The following E2F2 variants were observed in gnomAD, a reference collection of about 807,000 sequenced individuals.
E2F2 encodes transcription factor E2F2.
Under a neutral mutation model 42.2 loss-of-function variants are expected in E2F2, and 22 were observed. That is an observed-to-expected ratio of 0.52 (90% CI 0.37 to 0.74). The LOEUF (loss-of-function observed/expected upper bound fraction) is 0.74. Ranked by LOEUF, E2F2 falls within the 30% of genes least tolerant of loss-of-function variation. E2F2 has a pLI of 0.00. For missense variants in E2F2, 481 were observed against 557.8 expected, an observed-to-expected ratio of 0.86 and a Z score of 1.39; for synonymous variants, 248 against 251.6, an observed-to-expected ratio of 0.99 and a Z score of 0.13.
At chr1:23,527,229 C>G (rs569740115) in intron 1 of E2F2, among the ~76,000 whole-genome samples, 1 of 152,350 alleles carries the variant, frequency 6.6e-6, no homozygotes, top group African/African-American at 2.4e-5. Flanking sequence ...CAGCAAAGCG[C>G]TTTGCCCATA....
intron 5 of E2F2, 85 bp from the exon 6 acceptor site, chr1:23,516,612 T>A: frequency 8.7e-7 from 1 of 1,144,234 alleles, no homozygotes; most frequent in Non-Finnish European, 1.2e-6. Context: ...ACGTGGCTGC[T>A]GCCATCCATG....
chr1:23,514,823 G>C (rs1334721796), intron 6 of E2F2, among the ~76,000 whole-genome samples: 1 of 136,352 alleles, frequency 7.3e-6, no homozygotes, highest in African/African-American at 2.9e-5. Flanking sequence ...GTGACGGAGC[G>C]AGACTGTCTC....
intron 1 of E2F2, among the ~76,000 whole-genome samples, chr1:23,528,577 T>G (rs754687742): frequency 3.3e-5 from 5 of 152,202 alleles, no homozygotes; most frequent in Non-Finnish European, 7.4e-5. Context: ...TTGCTCAGTT[T>G]CCTTATCTGC....
chr1:23,528,646 T>C (rs954540703), intron 1 of E2F2, among the ~76,000 whole-genome samples: 1 of 152,122 alleles, frequency 6.6e-6, no homozygotes, highest in African/African-American at 2.4e-5. Flanking sequence ...TGCCAAGCAG[T>C]GTCTGGCACA....
chr1:23,524,560 C>T, intron 1 of E2F2, 72 bp from the exon 2 acceptor site: 3 of 1,428,352 alleles, frequency 2.1e-6, no homozygotes, highest in Non-Finnish European at 2.9e-6. Context: ...TGATGTGGGG[C>T]CAAAGCAATG....
intron 5 of E2F2, among the ~76,000 whole-genome samples, chr1:23,516,786 C>CTAGT (rs1643029074): frequency 2.5e-5 from 2 of 79,260 alleles, no homozygotes; most frequent in South Asian, 9.0e-4. Flanking sequence ...CTCAGGTCAT[C>CTAGT]TAGTTTTGGG....
At chr1:23,529,525 C>T (rs1437772679) in intron 1 of E2F2, among the ~76,000 whole-genome samples, 1 of 152,196 alleles carries the variant, frequency 6.6e-6, no homozygotes, top group African/African-American at 2.4e-5. Context: ...TCACCAAACT[C>T]ACAACTAAGC....
Position 23,509,967 on chromosome 1 carries a change from C to T in E2F2, c.1227G>A (p.Gln409=), listed in dbSNP as rs753858882. 1.2e-6 allele frequency: 2 copies of T among 1,612,786 alleles called. No homozygotes were observed. Among genetic ancestry groups the T allele is most frequent in the South Asian group, 2.2e-5 (2 of 90,828 alleles). The change falls in exon 7 of 7, where the codon CAG becomes CAA. Residue 409 remains glutamine, a synonymous_variant. Coordinates refer to ENST00000361729, the MANE Select transcript of E2F2 (RefSeq NM_004091.4). ...PLISFSPSLD[Q]DDYLWGLEAG... ...CCTCCAAGCCCCACAGGTAGTCGTC[C>T]TGGTCCAAGGATGGGGAGAAGCTGA...
Position 23,530,777 on chromosome 1 carries a change from C to T in E2F2, c.17G>A (p.Arg6Gln), listed in dbSNP as rs1364019963. 2 of 1,552,188 alleles carry T rather than the reference C, an allele frequency of 1.3e-6. No individual in the cohort carries two copies. Among genetic ancestry groups the T allele is most frequent in the South Asian group, 2.3e-5 (2 of 86,304 alleles). The change falls in exon 1 of 7, where the codon CGG (arginine) becomes CAG (glutamine). Residue 6 changes from arginine to glutamine, a missense_variant. By Grantham distance (43) the Arg-to-Gln change is conservative (BLOSUM62 1). Coordinates refer to ENST00000361729, the MANE Select transcript of E2F2 (RefSeq NM_004091.4). The surrounding 1 kb of genome is among the most constrained non-coding windows in gnomAD (Gnocchi z 4.4). ...CTGCCCAGCGGCCGAAGCCAAGGCC[C>T]GGGGCCCTTGCAGCATAGCGAGTAA... MLQGP[R>Q]ALASAAGQTP... is the part of the protein sequence containing the mutation.
At chr1:23,513,561 CATGTGTGTGTGTGTGTGTGTGTGT>C (rs1642954142) in intron 6 of E2F2, among the ~76,000 whole-genome samples, 2 of 116,038 alleles carry the variant, frequency 1.7e-5, no homozygotes, top group South Asian at 5.3e-4. Context: ...CAGCACGGAA[CATGTGTGTGTGTGTGTGTGTGTGT>C]GTGTGTGTGT....
chr1:23,516,349 G>A lies in E2F2; in HGVS notation c.1031C>T (p.Pro344Leu), dbSNP rs964554918. ...SSSTDPSIME[P>L]TASSVPAPAP... is the part of the protein sequence containing the mutation. ...AAGGGACCTACCTGAGGATGCTGTG[G>A]GCTCCATGATGCTAGGGTCGGTGCT... The change falls in exon 6 of 7, where the codon CCC (proline) becomes CTC (leucine). Residue 344 changes from proline (P) to leucine (L), a missense_variant. By Grantham distance (98) the Pro-to-Leu change is moderately conservative. Coordinates refer to ENST00000361729, the MANE Select transcript of E2F2 (RefSeq NM_004091.4). 1.3e-6 allele frequency: 2 copies of A among 1,547,358 alleles called. No individual in the cohort carries two copies. Among genetic ancestry groups the A allele is most frequent in the Non-Finnish European group, 1.7e-6 (2 of 1,151,164 alleles).
At chr1:23,524,059 G>C (rs1342772617) in intron 2 of E2F2, among the ~76,000 whole-genome samples, 2 of 142,380 alleles carry the variant, frequency 1.4e-5, no homozygotes, top group Non-Finnish European at 3.0e-5. Context: ...TGGTGACAGA[G>C]CGAGACCTGT....
rs756292409 is a variant in E2F2, at chr1:23,520,947, A to C, written c.703T>G (p.Phe235Val). 2.5e-6 allele frequency: 4 copies of C among 1,607,744 alleles called. No homozygotes were observed. Among genetic ancestry groups the C allele is most frequent in the Non-Finnish European group, 3.4e-6 (4 of 1,177,048 alleles). Residue 235 changes from phenylalanine to valine, a missense_variant, in exon 4 of 7, where the codon TTC becomes GTC. Physicochemically the swap from Phe to Val is conservative, Grantham distance 50 (BLOSUM62 -1). Transcript: ENST00000361729. ...GCCTTGTCCTCAGTCAGGTGCTTGA[A>C]GCTCAGAGAGCAGCTCTGGATGAGC... ...DQLIQSCSLSFKHLTEDKANK... is the reference protein window; with the variant it reads ...DQLIQSCSLSVKHLTEDKANK...
chr1:23,530,905 A>C lies in E2F2; in HGVS notation c.-112T>G. 1 of 1,339,568 alleles carries C rather than the reference A, an allele frequency of 7.5e-7. No homozygotes were observed. The allele number at this position is 1,339,568 out of a possible 1,614,324, so 83.0% of individuals were successfully genotyped here. On this transcript the variant is annotated 5_prime_UTR_variant, in exon 1 of 7. Transcript: ENST00000361729. The surrounding 1 kb of genome is among the most constrained non-coding windows in gnomAD (Gnocchi z 4.4). Reference sequence around the variant, plus strand: ...GCGGCATGGCGCGGAGGCCGGGGGAAGCCGCCAATGGACGCCTGCGGGGCA... The same window carrying C: ...GCGGCATGGCGCGGAGGCCGGGGGACGCCGCCAATGGACGCCTGCGGGGCA...
At chr1:23,527,041 G>T (rs760057025) in intron 1 of E2F2, among the ~76,000 whole-genome samples, 1 of 152,228 alleles carries the variant, frequency 6.6e-6, no homozygotes, top group Non-Finnish European at 1.5e-5. Flanking sequence ...ACAGGTGGCA[G>T]AGGACAAGCC....
In E2F2 at chr1:23,516,401, T is replaced by C; in HGVS notation, c.979A>G (p.Ser327Gly). 4 of 1,597,444 alleles carry C rather than the reference T, an allele frequency of 2.5e-6. No individual in the cohort carries two copies. Among genetic ancestry groups the C allele is most frequent in the Non-Finnish European group, 3.4e-6 (4 of 1,173,092 alleles). Residue 327 changes from serine (S) to glycine (G), a missense_variant, in exon 6 of 7, where the codon AGC (serine) becomes GGC (glycine). Physicochemically the swap from Ser to Gly is moderately conservative, Grantham distance 56. Coordinates refer to ENST00000361729, the MANE Select transcript of E2F2 (RefSeq NM_004091.4). Reference sequence around the variant, plus strand: ...CTGCTGGGCTGGGCAGAGTCAGGGCTGGGGCAGAGGGTGGAGGTAGAGGGG... The same window carrying C: ...CTGCTGGGCTGGGCAGAGTCAGGGCCGGGGCAGAGGGTGGAGGTAGAGGGG... The part of the protein sequence containing the change: ...PLPSTSTLCP[S>G]PDSAQPSSST...
chr1:23,505,456 G>A (rs1237627575), downstream of E2F2, among the ~76,000 whole-genome samples: 1 of 152,168 alleles, frequency 6.6e-6, no homozygotes, highest in Non-Finnish European at 1.5e-5. Flanking sequence ...GAGGTTCATG[G>A]AGCCTCAGAA....
intron 6 of E2F2, among the ~76,000 whole-genome samples, chr1:23,513,564 G>A (rs991186492): frequency 9.1e-5 from 2 of 21,896 alleles, no homozygotes; most frequent in African/African-American, 2.3e-4. Flanking sequence ...CACGGAACAT[G>A]TGTGTGTGTG....
At chr1:23,512,874 G>A (rs1642937485) in intron 6 of E2F2, among the ~76,000 whole-genome samples, 1 of 151,332 alleles carries the variant, frequency 6.6e-6, no homozygotes, top group South Asian at 2.1e-4. Flanking sequence ...GTGCAGTGGT[G>A]TAATCTCAGC....
Sources: allele counts gnomAD v4.1 joint callset (sites outside exome capture counted in the v4.1 genomes callset), GRCh38; gene constraint gnomAD v4.1.1; non-coding constraint Gnocchi (gnomAD v3.1); transcripts MANE v1.5; gene names NCBI Gene and HGNC (gene_info 2026-07-23, HGNC 2026-07-21).